MALRD1: variants seen among roughly 807,000 people sequenced by gnomAD.
MALRD1 encodes the protein MAM and LDL-receptor class A domain-containing protein 1.
A neutral mutation model predicts 242.1 loss-of-function variants in MALRD1; 247 were observed. That is an observed-to-expected ratio of 1.02 (90% CI 0.92 to 1.13). MALRD1 has a LOEUF of 1.13. Ranked by LOEUF, MALRD1 falls within the 50% of genes most tolerant of loss-of-function variation. MALRD1 has a pLI of 0.00. For synonymous variants in MALRD1, 995 were observed against 866.6 expected, an observed-to-expected ratio of 1.15 and a Z score of -2.60; for missense variants, 2,989 against 2,533.1, an observed-to-expected ratio of 1.18 and a Z score of -3.86.
At chr10:19,106,170 C>T (rs1425345762) in intron 5 of MALRD1, among the ~76,000 whole-genome samples, 1 of 151,874 alleles carries the variant, frequency 6.6e-6, no homozygotes, top group East Asian at 1.9e-4. Flanking sequence ...ACTCACCCTT[C>T]ACAGCTTCTA....
intron 34 of MALRD1, among the ~76,000 whole-genome samples, chr10:19,605,739 C>G (rs1838586204): frequency 6.6e-6 from 1 of 152,058 alleles, no homozygotes; most frequent in African/African-American, 2.4e-5. Flanking sequence ...AAATGCTTAT[C>G]TACAACAATG....
chr10:19,608,292 A>G (rs1838732525), intron 35 of MALRD1, among the ~76,000 whole-genome samples: 1 of 152,060 alleles, frequency 6.6e-6, no homozygotes, highest in South Asian at 2.1e-4. Context: ...CCACTTCTTT[A>G]TAAGAGTTTT....
intron 21 of MALRD1, among the ~76,000 whole-genome samples, chr10:19,303,416 A>G (rs538436156): frequency 2.6e-5 from 4 of 151,898 alleles, no homozygotes; most frequent in African/African-American, 7.2e-5. Context: ...GAAATCACAG[A>G]TATAAATAGA....
intron 31 of MALRD1, among the ~76,000 whole-genome samples, chr10:19,501,913 C>G (rs1837989924): frequency 6.6e-6 from 1 of 151,256 alleles, no homozygotes. Context: ...CCTGTTGTCC[C>G]CACTACTCGG....
chr10:19,400,297 C>T (rs1231525674), intron 28 of MALRD1, among the ~76,000 whole-genome samples: 1 of 152,158 alleles, frequency 6.6e-6, no homozygotes, highest in East Asian at 1.9e-4. Flanking sequence ...TTTATAACTT[C>T]ATGTGCTACA....
chr10:19,387,679 A>G lies in MALRD1; in HGVS notation c.4593A>G (p.Gln1531=), dbSNP rs1488815724. Residue 1531 remains glutamine, a synonymous_variant, in exon 27 of 40, where the codon CAA becomes CAG. Transcript: ENST00000454679. ...CTFEKGWCGW[Q]NSQADNFDWV... ...TTGAAAAAGGCTGGTGTGGCTGGCA[A>G]AACTCCCAGGCTGACAACTTTGATT... 7.1e-6 allele frequency: 11 copies of G among 1,550,292 alleles called. No homozygotes were observed. The highest frequency in any genetic ancestry group is 1.4e-5 in the African/African-American group (1 of 73,036).
intron 14 of MALRD1, among the ~76,000 whole-genome samples, chr10:19,181,243 T>C (rs1353682976): frequency 6.6e-6 from 1 of 152,170 alleles, no homozygotes; most frequent in Non-Finnish European, 1.5e-5. Flanking sequence ...TACCACTTCA[T>C]AAAGCTATCT....
chr10:19,540,731 G>A lies in MALRD1; in HGVS notation c.5478+9380G>A, dbSNP rs190153730. 2.0e-5 allele frequency among the ~76,000 whole-genome samples: 3 copies of A among 152,128 alleles called. No individual in the cohort carries two copies. The East Asian group carries it at 5.8e-4, about 29-fold the overall frequency. On this transcript the variant is annotated intron_variant, in intron 32 of 39. Transcript: ENST00000454679. ...AGGCATATGTTGAGTGAAAAGAGAA[G>A]TGGAAAAAAAACCTTGACGTTTCAA...
At chr10:19,149,348 A>T (rs1190918413) in intron 11 of MALRD1, among the ~76,000 whole-genome samples, 1 of 151,852 alleles carries the variant, frequency 6.6e-6, no homozygotes, top group Non-Finnish European at 1.5e-5. Flanking sequence ...GGATATGTTG[A>T]TATTATCTAG....
intron 32 of MALRD1, among the ~76,000 whole-genome samples, chr10:19,563,856 T>G (rs1245142284): frequency 6.6e-6 from 1 of 152,140 alleles, no homozygotes; most frequent in Non-Finnish European, 1.5e-5. Context: ...TGGGGCCTGG[T>G]GGGGTCTTGG....
intron 14 of MALRD1, among the ~76,000 whole-genome samples, chr10:19,191,202 G>A (rs1835959931): frequency 6.6e-6 from 1 of 152,114 alleles, no homozygotes; most frequent in Admixed American, 6.5e-5. Flanking sequence ...TCTCCAATAA[G>A]CATGTGAAAA....
chr10:19,253,939 C>T (rs569390889), intron 18 of MALRD1, among the ~76,000 whole-genome samples: 1 of 151,946 alleles, frequency 6.6e-6, no homozygotes, highest in African/African-American at 2.4e-5. Flanking sequence ...CCATACTGTT[C>T]TCACAAAATC....
chr10:19,602,328 A>AGGAGAT (rs1216277550), intron 34 of MALRD1, among the ~76,000 whole-genome samples: 2 of 146,828 alleles, frequency 1.4e-5, no homozygotes, highest in Admixed American at 6.7e-5. Context: ...TATATCTCCT[A>AGGAGAT]ATGCTATCCC....
intron 38 of MALRD1, among the ~76,000 whole-genome samples, chr10:19,706,682 G>A (rs759327747): frequency 1.3e-5 from 2 of 152,126 alleles, no homozygotes; most frequent in Middle Eastern, 3.4e-3. Context: ...AGGGCCGAGT[G>A]TTGTCTCCTG....
At chr10:19,618,941 C>T (rs1468569152) in intron 36 of MALRD1, among the ~76,000 whole-genome samples, 1 of 151,958 alleles carries the variant, frequency 6.6e-6, no homozygotes, top group Non-Finnish European at 1.5e-5. Flanking sequence ...TGTCTACACT[C>T]GCTCACTCTC....
At chr10:19,580,579 G>A (rs1342845646) in intron 33 of MALRD1, among the ~76,000 whole-genome samples, 1 of 152,104 alleles carries the variant, frequency 6.6e-6, no homozygotes, top group African/African-American at 2.4e-5. Flanking sequence ...GTACATGCAT[G>A]CACACATATT....
chr10:19,169,787 C>A (rs1231021832), intron 13 of MALRD1, among the ~76,000 whole-genome samples: 1 of 152,156 alleles, frequency 6.6e-6, no homozygotes, highest in African/African-American at 2.4e-5. Flanking sequence ...TAAAGTTTGT[C>A]TTCTTGGAAA....
intron 31 of MALRD1, among the ~76,000 whole-genome samples, chr10:19,508,773 C>T (rs1175086738): frequency 6.6e-6 from 1 of 152,258 alleles, no homozygotes; most frequent in East Asian, 1.9e-4. Context: ...TCTAAAACTA[C>T]ATATGTGGCT....
rs1261199595 is a variant in MALRD1 at position 19,603,046 on chromosome 10, T to C, written c.5945-4731T>C. 5.3e-5 allele frequency among the ~76,000 whole-genome samples: 8 copies of C among 152,182 alleles called. 1 individual carries two copies. Among genetic ancestry groups the C allele is most frequent in the African/African-American group, 1.9e-4 (8 of 41,450 alleles). On this transcript the variant is annotated intron_variant, in intron 34 of 39. Coordinates refer to ENST00000454679, the MANE Select transcript of MALRD1 (RefSeq NM_001142308.3). ...TTGCCCACCTGTTGATGGGGTTGTT[T>C]TTTTTCTTGTAAATTTGTTTGAGTT... is the stretch of plus-strand genomic sequence containing the variant.
Sources: gnomAD v4.1 joint callset for allele counts (sites outside exome capture counted in the v4.1 genomes callset) on GRCh38, gnomAD v4.1.1 for gene constraint, MANE v1.5 for transcripts, NCBI Gene and HGNC (gene_info 2026-07-23, HGNC 2026-07-21) for gene names.